RSU1: variants seen among roughly 807,000 people sequenced by gnomAD.
RSU1 encodes Ras suppressor protein 1.
A neutral mutation model predicts 31.1 loss-of-function variants in RSU1; 26 were observed. The ratio of observed to expected loss-of-function variants is 0.84; its 90% CI spans 0.61 to 1.16. The LOEUF is 1.16. RSU1 is among the 50% of genes most tolerant of loss of function. The pLI, the probability that RSU1 is intolerant of heterozygous loss-of-function variation, is 0.00. For synonymous variants in RSU1, 164 were observed against 136.3 expected, an observed-to-expected ratio of 1.20 and a Z score of -1.41; for missense variants, 320 against 339.1, an observed-to-expected ratio of 0.94 and a Z score of 0.44.
rs141765788 is a variant in RSU1 at position 16,612,031 on chromosome 10, T to A, written c.732-18535A>T. Among the ~76,000 whole-genome samples, 4 of 152,204 alleles carry A rather than the reference T, an allele frequency of 2.6e-5. No individual in the cohort carries two copies. The East Asian group carries it at 7.7e-4, about 29-fold the overall frequency. On this transcript the variant is annotated intron_variant, in intron 8 of 8. Coordinates refer to ENST00000345264, the MANE Select transcript of RSU1 (RefSeq NM_012425.4). ...CTGATAATAATAGCACATAACTCAA[T>A]AGGGTTGTTGGGAGGACAAAATAAC... is the stretch of plus-strand genomic sequence containing the variant.
chr10:16,686,708 C>G (rs1370459564), intron 8 of RSU1, among the ~76,000 whole-genome samples: 3 of 152,054 alleles, frequency 2.0e-5, no homozygotes, highest in Non-Finnish European at 4.4e-5. Flanking sequence ...GAGAAGGGAA[C>G]AGGGGAAAGA....
chr10:16,732,545 T>A (rs1368833814), intron 7 of RSU1, among the ~76,000 whole-genome samples: 1 of 152,204 alleles, frequency 6.6e-6, no homozygotes, highest in African/African-American at 2.4e-5. Flanking sequence ...AGCACTTTGA[T>A]CTCAGATTTC....
intron 7 of RSU1, among the ~76,000 whole-genome samples, chr10:16,702,743 G>A (rs774037382): frequency 2.0e-5 from 3 of 152,190 alleles, no homozygotes; most frequent in African/African-American, 7.2e-5. Context: ...TGTCTGAGGT[G>A]AGACTTTGGA....
Position 16,605,228 on chromosome 10 carries a change from C to T in RSU1, c.732-11732G>A, listed in dbSNP as rs78014607. Among the ~76,000 whole-genome samples, 666 of 152,274 alleles carry T rather than the reference C, an allele frequency of 4.4e-3. 5 individuals carry two copies. Among genetic ancestry groups the T allele is most frequent in the African/African-American group, 0.015 (628 of 41,554 alleles). ...TGCAAATGTGAGTTCCCGAGCCAGG[C>T]CATCTTTGCCCACACTTTCTATCTT... On this transcript the variant is annotated intron_variant, in intron 8 of 8. Coordinates refer to ENST00000345264, the MANE Select transcript of RSU1 (RefSeq NM_012425.4).
chr10:16,624,205 C>T (rs183084737), intron 8 of RSU1, among the ~76,000 whole-genome samples: 7 of 140,838 alleles, frequency 5.0e-5, no homozygotes, highest in Non-Finnish European at 6.1e-5. Flanking sequence ...CAAGCTTGCA[C>T]ATGTGTGTGT....
intron 7 of RSU1, among the ~76,000 whole-genome samples, chr10:16,738,134 T>A (rs1456190601): frequency 6.6e-6 from 1 of 152,132 alleles, no homozygotes; most frequent in South Asian, 2.1e-4. Flanking sequence ...GAAAAACTTC[T>A]AACTTGAAAT....
chr10:16,631,653 A>G (rs1318031150), intron 8 of RSU1, among the ~76,000 whole-genome samples: 2 of 152,218 alleles, frequency 1.3e-5, no homozygotes, highest in African/African-American at 2.4e-5. Context: ...CAGAAAAGAA[A>G]AAGAGGATTT....
At chr10:16,697,243 C>T (rs1294056127) in intron 7 of RSU1, among the ~76,000 whole-genome samples, 1 of 152,202 alleles carries the variant, frequency 6.6e-6, no homozygotes, top group Non-Finnish European at 1.5e-5. Flanking sequence ...TCTCTTAAAA[C>T]ATTCACCTGA....
chr10:16,715,455 T>G (rs1836121171), intron 7 of RSU1, among the ~76,000 whole-genome samples: 1 of 152,236 alleles, frequency 6.6e-6, no homozygotes, highest in African/African-American at 2.4e-5. Context: ...TTTAGGTTTT[T>G]TATTCATTTT....
intron 8 of RSU1, among the ~76,000 whole-genome samples, chr10:16,673,620 G>A (rs1447439102): frequency 2.0e-5 from 3 of 152,196 alleles, no homozygotes; most frequent in Admixed American, 6.5e-5. Flanking sequence ...CCTGACTGGC[G>A]CTGGATGTCC....
chr10:16,609,192 A>C (rs887976734), intron 8 of RSU1, among the ~76,000 whole-genome samples: 2 of 152,216 alleles, frequency 1.3e-5, no homozygotes, highest in Admixed American at 6.5e-5. Context: ...ATGGTCTGCA[A>C]GTGCAAAAAG....
chr10:16,755,408 C>A (rs544039837), intron 4 of RSU1, among the ~76,000 whole-genome samples: 2 of 151,942 alleles, frequency 1.3e-5, no homozygotes, highest in African/African-American at 4.8e-5. Flanking sequence ...CAGGCGTGAG[C>A]CCCCATGCCC....
intron 8 of RSU1, among the ~76,000 whole-genome samples, chr10:16,659,109 T>C (rs1834840005): frequency 6.6e-6 from 1 of 152,236 alleles, no homozygotes; most frequent in Admixed American, 6.5e-5. Context: ...TAGATACTAA[T>C]CGGCTGTCAG....
intron 4 of RSU1, among the ~76,000 whole-genome samples, chr10:16,758,264 T>G (rs1270740467): frequency 6.6e-6 from 1 of 152,146 alleles, no homozygotes; most frequent in Non-Finnish European, 1.5e-5. Flanking sequence ...TCTGGCCACC[T>G]CTCCGGACAC....
At chr10:16,806,707 C>T (rs1257373786) in intron 2 of RSU1, among the ~76,000 whole-genome samples, 2 of 152,140 alleles carry the variant, frequency 1.3e-5, no homozygotes, top group Non-Finnish European at 2.9e-5. Flanking sequence ...TAATAAATTA[C>T]ATAGGCATCT....
At chr10:16,764,318 C>A in intron 4 of RSU1, 72 bp downstream of exon 4, 1 of 1,425,078 alleles carries the variant, frequency 7.0e-7, no homozygotes, top group Non-Finnish European at 9.3e-7. Flanking sequence ...AAAGGAATCC[C>A]TCCCCTGGCC....
intron 8 of RSU1, among the ~76,000 whole-genome samples, chr10:16,631,777 G>C (rs550292331): frequency 1.3e-5 from 2 of 152,134 alleles, no homozygotes; most frequent in African/African-American, 4.8e-5. Context: ...CAACTTCTTT[G>C]TCCCTAAGGA....
rs189914927 is a variant in RSU1, at chr10:16,731,072, C to T, written c.598+21467G>A. ...CTCCTGATGCACCTGCCTTAGACTC[C>T]CAAAGTGCTGGGATTACAGACGTGA... On this transcript the variant is annotated intron_variant, in intron 7 of 8. Coordinates refer to ENST00000345264, the MANE Select transcript of RSU1 (RefSeq NM_012425.4). Among the ~76,000 whole-genome samples, 82 of 152,218 alleles carry T rather than the reference C, an allele frequency of 5.4e-4. 1 individual carries two copies. Among genetic ancestry groups the T allele is most frequent in the African/African-American group, 1.9e-3 (78 of 41,528 alleles).
At chr10:16,686,595 A>G (rs2131554178) in intron 8 of RSU1, among the ~76,000 whole-genome samples, 1 of 152,248 alleles carries the variant, frequency 6.6e-6, no homozygotes, top group Middle Eastern at 3.4e-3. Context: ...TCTATATTCT[A>G]TTTACCTTAA....
Sources: gnomAD v4.1 joint callset for allele counts (sites outside exome capture counted in the v4.1 genomes callset) on GRCh38, gnomAD v4.1.1 for gene constraint, MANE v1.5 for transcripts, NCBI Gene and HGNC (gene_info 2026-07-23, HGNC 2026-07-21) for gene names.